UBE2G1: variants seen among roughly 807,000 people sequenced by gnomAD.
UBE2G1 encodes the protein ubiquitin-conjugating enzyme E2 G1.
A neutral mutation model predicts 22.7 loss-of-function variants in UBE2G1; 5 were observed. The ratio of observed to expected loss-of-function variants is 0.22; its 90% CI spans 0.12 to 0.46. The LOEUF is 0.46. Among genes scored for constraint, UBE2G1 ranks in the 20% least tolerant of loss-of-function variants. UBE2G1 has a pLI of 0.99. For synonymous variants in UBE2G1, 74 were observed against 67.5 expected, an observed-to-expected ratio of 1.10 and a Z score of -0.47; for missense variants, 88 against 203.9, an observed-to-expected ratio of 0.43 and a Z score of 3.46.
intron 2 of UBE2G1, 96 bp from the exon 3 acceptor site, chr17:4,296,910 A>C (rs1403823731): frequency 9.6e-7 from 1 of 1,043,558 alleles, no homozygotes; most frequent in Non-Finnish European, 1.4e-6. Context: ...GCTAGCACTA[A>C]CATCAAAAAT....
At chr17:4,280,037 CTT>C (rs770757443) in intron 5 of UBE2G1, among the ~76,000 whole-genome samples, 17 of 139,898 alleles carry the variant, frequency 1.2e-4, no homozygotes, top group Non-Finnish European at 9.4e-5. Context: ...GATAGATAGA[CTT>C]TTTTTTTTTT....
intron 1 of UBE2G1, among the ~76,000 whole-genome samples, chr17:4,365,648 C>A (rs1970025068): frequency 6.6e-6 from 1 of 152,104 alleles, no homozygotes; most frequent in Non-Finnish European, 1.5e-5. Context: ...GGAGCCCGTG[C>A]CAGGCGGAGG....
intron 5 of UBE2G1, among the ~76,000 whole-genome samples, chr17:4,279,318 G>A (rs1035884373): frequency 4.2e-4 from 64 of 151,426 alleles, no homozygotes; most frequent in Non-Finnish European, 6.5e-4. Context: ...AACACGTACT[G>A]GCTGATGTGT....
At chr17:4,360,030 T>A (rs57166961) in intron 1 of UBE2G1, among the ~76,000 whole-genome samples, 145 of 152,292 alleles carry the variant, frequency 9.5e-4, no homozygotes, top group African/African-American at 3.4e-3. Context: ...TTCATATTCA[T>A]TACCAAAATT....
At chr17:4,298,771 G>A (rs532712118) in intron 2 of UBE2G1, among the ~76,000 whole-genome samples, 1 of 152,218 alleles carries the variant, frequency 6.6e-6, no homozygotes, top group Admixed American at 6.5e-5. Flanking sequence ...GTAACTAGAT[G>A]GGGAAACTGT....
At chr17:4,282,209 A>C (rs1322355264) in intron 5 of UBE2G1, among the ~76,000 whole-genome samples, 1 of 152,102 alleles carries the variant, frequency 6.6e-6, no homozygotes, top group East Asian at 1.9e-4. Flanking sequence ...CAACCTCCTG[A>C]GTAGCTGGGA....
At chr17:4,337,556 G>A (rs1252837465) in intron 1 of UBE2G1, among the ~76,000 whole-genome samples, 3 of 151,578 alleles carry the variant, frequency 2.0e-5, no homozygotes, top group South Asian at 4.1e-4. Context: ...GGAAGGCTGA[G>A]GCAGGAGGAT....
At chr17:4,336,069 C>T (rs1033921651) in intron 1 of UBE2G1, among the ~76,000 whole-genome samples, 1 of 152,202 alleles carries the variant, frequency 6.6e-6, no homozygotes, top group East Asian at 1.9e-4. Flanking sequence ...TCGCTTGAAC[C>T]CGGGAGGTGG....
chr17:4,359,861 A>C (rs978135555), intron 1 of UBE2G1, among the ~76,000 whole-genome samples: 19 of 151,512 alleles, frequency 1.3e-4, no homozygotes, highest in East Asian at 1.9e-4. Context: ...CAAAAAAAAA[A>C]AAAAAACAAA....
intron 1 of UBE2G1, among the ~76,000 whole-genome samples, chr17:4,334,068 T>C (rs187559538): frequency 3.2e-4 from 49 of 151,844 alleles, no homozygotes; most frequent in African/African-American, 1.1e-3. Context: ...ATAATTTCCA[T>C]GGTTTTTTTT....
intron 1 of UBE2G1, among the ~76,000 whole-genome samples, chr17:4,339,147 G>T (rs1437176154): frequency 6.6e-6 from 1 of 152,106 alleles, no homozygotes; most frequent in Non-Finnish European, 1.5e-5. Flanking sequence ...CATCATGTTA[G>T]ATCAAGAGAT....
At chr17:4,364,305 T>A (rs1310197203) in intron 1 of UBE2G1, 1 of 148,040 alleles carries the variant, frequency 6.8e-6, no homozygotes, top group Non-Finnish European at 1.5e-5. Flanking sequence ...TTTTTTTTTT[T>A]TTTGAGACAC....
At chr17:4,323,450 T>G (rs1050360260) in intron 1 of UBE2G1, among the ~76,000 whole-genome samples, 5 of 152,362 alleles carry the variant, frequency 3.3e-5, no homozygotes, top group Non-Finnish European at 5.9e-5. Flanking sequence ...TACGAATTCA[T>G]CAAAATGAAA....
intron 1 of UBE2G1, among the ~76,000 whole-genome samples, chr17:4,359,913 T>TCTTGCA (rs1653973172): frequency 1.3e-5 from 2 of 151,082 alleles, no homozygotes; most frequent in Admixed American, 6.6e-5. Flanking sequence ...CCCAATACTA[T>TCTTGCA]CTTGCACTAG....
At position 4,282,919 on chromosome 17, in the gene UBE2G1, T is replaced by C. The variant is rs1323690407; in HGVS notation, c.429A>G (p.Lys143=). 1 of 1,612,038 alleles carries C rather than the reference T, an allele frequency of 6.2e-7. No homozygotes were observed. Among genetic ancestry groups the C allele is most frequent in the South Asian group, 1.1e-5 (1 of 90,340 alleles). Reference sequence around the variant, plus strand: ...CTCCATTTCTATCTTCCCTCCATTCTTTCTGTAGATTAAAAAAGCAGTATC... The same window carrying C: ...CTCCATTTCTATCTTCCCTCCATTCCTTCTGTAGATTAAAAAAGCAGTATC... ...GDSPANVDAA[K]EWREDRNGEF... is the part of the protein sequence containing the mutation. Residue 143 remains lysine (K), a splice_region_variant and synonymous_variant, in exon 5 of 6, where the codon AAA becomes AAG. Coordinates refer to ENST00000396981, the MANE Select transcript of UBE2G1 (RefSeq NM_003342.5).
At chr17:4,325,032 G>A (rs919293080) in intron 1 of UBE2G1, among the ~76,000 whole-genome samples, 4 of 151,918 alleles carry the variant, frequency 2.6e-5, no homozygotes, top group African/African-American at 4.8e-5. Flanking sequence ...AGCCAAGATC[G>A]CGCCACTGCA....
intron 5 of UBE2G1, among the ~76,000 whole-genome samples, chr17:4,278,156 T>A (rs1465199173): frequency 1.3e-5 from 2 of 152,252 alleles, no homozygotes; most frequent in African/African-American, 4.8e-5. Flanking sequence ...CATCTTGGCC[T>A]CCCAAAGTGC....
intron 1 of UBE2G1, among the ~76,000 whole-genome samples, chr17:4,319,679 G>A (rs1276857080): frequency 1.3e-5 from 2 of 151,758 alleles, no homozygotes; most frequent in Admixed American, 6.6e-5. Flanking sequence ...AGGCTGCAGT[G>A]AGCTGTAAGC....
At chr17:4,359,678 T>C (rs1489786092) in intron 1 of UBE2G1, among the ~76,000 whole-genome samples, 6 of 151,878 alleles carry the variant, frequency 4.0e-5, no homozygotes. Context: ...ATGGTGAAAC[T>C]CCATCTCTAC....
Sources: gnomAD v4.1 joint callset for allele counts (sites outside exome capture counted in the v4.1 genomes callset) on GRCh38, gnomAD v4.1.1 for gene constraint, MANE v1.5 for transcripts, NCBI Gene and HGNC (gene_info 2026-07-23, HGNC 2026-07-21) for gene names.